The following LINGO2 variants were observed in gnomAD, a reference collection of about 807,000 sequenced individuals.
The protein encoded by LINGO2 is leucine-rich repeat and immunoglobulin-like domain-containing nogo receptor-interacting protein 2.
In LINGO2, 14 loss-of-function variants were observed where a neutral mutation model predicts 30.6. The ratio of observed to expected loss-of-function variants is 0.46; its 90% CI spans 0.30 to 0.72. The LOEUF (loss-of-function observed/expected upper bound fraction) is 0.72, where lower values mean the gene tolerates loss of function less well. LINGO2 is among the 30% of genes least tolerant of loss of function. The probability of loss-of-function intolerance (pLI) is 0.07; values close to 1 mark genes in which losing one functional copy is unlikely to be tolerated. For synonymous variants in LINGO2, 317 were observed against 288.5 expected (o/e 1.10, Z -1.00); for missense variants, 729 against 751.7 (o/e 0.97, Z 0.35).
the LINGO2 span, among the ~76,000 whole-genome samples, chr9:28,872,914 A>C: frequency 1.3e-5 from 2 of 152,192 alleles, no homozygotes; most frequent in Non-Finnish European, 2.9e-5. Context: ...ATTGAAAATC[A>C]AATGATGATT....
intron 1 of LINGO2, among the ~76,000 whole-genome samples, chr9:28,539,937 C>T (rs73644064): frequency 6.6e-6 from 1 of 151,992 alleles, no homozygotes; most frequent in Non-Finnish European, 1.5e-5. Flanking sequence ...ACAGGCTCCA[C>T]TAGCTGAATA....
At chr9:28,931,910 T>C in the LINGO2 span, among the ~76,000 whole-genome samples, 1 of 150,710 alleles carries the variant, frequency 6.6e-6, no homozygotes, top group Non-Finnish European at 1.5e-5. Context: ...GAGTTCGAGA[T>C]CAGCCTGGCC....
chr9:28,543,571 G>A (rs1821799049), intron 1 of LINGO2, among the ~76,000 whole-genome samples: 2 of 151,912 alleles, frequency 1.3e-5, no homozygotes, highest in Non-Finnish European at 2.9e-5. Flanking sequence ...TTTAAGCCCA[G>A]AAACAGTGAC....
intron 4 of LINGO2, among the ~76,000 whole-genome samples, chr9:28,046,802 C>A (rs1456864359): frequency 6.6e-6 from 1 of 152,106 alleles, no homozygotes; most frequent in East Asian, 1.9e-4. Flanking sequence ...AAGTATGTGG[C>A]CAAGAACACA....
chr9:28,467,699 C>T (rs1172719047), intron 2 of LINGO2, among the ~76,000 whole-genome samples: 1 of 151,566 alleles, frequency 6.6e-6, no homozygotes, highest in African/African-American at 2.4e-5. Flanking sequence ...ATTGGTTGAT[C>T]CACTGGAATT....
At chr9:29,076,031 A>T in the LINGO2 span, among the ~76,000 whole-genome samples, 1 of 146,878 alleles carries the variant, frequency 6.8e-6, no homozygotes, top group East Asian at 2.0e-4. Flanking sequence ...ACCACATCTG[A>T]TTTTTTTTTT....
the LINGO2 span, among the ~76,000 whole-genome samples, chr9:28,942,717 TA>T: frequency 1.3e-5 from 2 of 152,212 alleles, no homozygotes; most frequent in Non-Finnish European, 2.9e-5. Flanking sequence ...ACTGTATACT[TA>T]AAAGTTTTTT....
the LINGO2 span, among the ~76,000 whole-genome samples, chr9:28,844,615 T>A: frequency 6.6e-6 from 1 of 151,838 alleles, no homozygotes; most frequent in Non-Finnish European, 1.5e-5. Flanking sequence ...CCATCCCTAC[T>A]GTATGCTGGA....
At chr9:28,300,002 T>A (rs1450953994) in intron 3 of LINGO2, among the ~76,000 whole-genome samples, 1 of 152,024 alleles carries the variant, frequency 6.6e-6, no homozygotes, top group Non-Finnish European at 1.5e-5. Flanking sequence ...TTCTGGTAGG[T>A]TTTATTTCAT....
At chr9:29,189,295 C>G in the LINGO2 span, among the ~76,000 whole-genome samples, 2 of 150,848 alleles carry the variant, frequency 1.3e-5, no homozygotes, top group African/African-American at 2.4e-5. Flanking sequence ...CCCTCCCGGA[C>G]GGGGTGGCTG....
At chr9:27,978,443 C>G (rs760761456) in intron 5 of LINGO2, among the ~76,000 whole-genome samples, 1 of 151,980 alleles carries the variant, frequency 6.6e-6, no homozygotes, top group Non-Finnish European at 1.5e-5. Context: ...GTGTTTAGGT[C>G]ATGAGGGTGA....
intron 1 of LINGO2, among the ~76,000 whole-genome samples, chr9:28,482,518 A>G (rs988593240): frequency 2.0e-5 from 3 of 151,726 alleles, no homozygotes; most frequent in Non-Finnish European, 4.4e-5. Flanking sequence ...TAGATTCTGG[A>G]TATTAGCCCT....
chr9:28,276,112 G>A (rs188560247), intron 4 of LINGO2, among the ~76,000 whole-genome samples: 283 of 152,168 alleles, frequency 1.9e-3, no homozygotes, highest in South Asian at 0.011. Context: ...TGAGTCAAGG[G>A]GATTTGACTA....
At chr9:28,717,897 G>A in the LINGO2 span, among the ~76,000 whole-genome samples, 2 of 152,066 alleles carry the variant, frequency 1.3e-5, no homozygotes, top group Admixed American at 6.6e-5. Context: ...ACCTAATTCA[G>A]AATGAGGGGA....
At chr9:28,193,678 T>G (rs182702855) in intron 4 of LINGO2, among the ~76,000 whole-genome samples, 2 of 152,188 alleles carry the variant, frequency 1.3e-5, no homozygotes, top group African/African-American at 2.4e-5. Context: ...CCAAACTCGG[T>G]GGCTTACAAC....
At chr9:28,231,464 G>C (rs968710688) in intron 4 of LINGO2, among the ~76,000 whole-genome samples, 1 of 151,942 alleles carries the variant, frequency 6.6e-6, no homozygotes, top group Non-Finnish European at 1.5e-5. Context: ...TTTAAGAAAT[G>C]TTTAATTTTT....
the LINGO2 span, among the ~76,000 whole-genome samples, chr9:28,695,644 A>G: frequency 6.6e-6 from 1 of 151,756 alleles, no homozygotes; most frequent in Non-Finnish European, 1.5e-5. Flanking sequence ...GCAGTTAAGT[A>G]GACTATGGCA....
At chr9:28,692,229 C>CTT in the LINGO2 span, among the ~76,000 whole-genome samples, 1 of 152,094 alleles carries the variant, frequency 6.6e-6, no homozygotes, top group Non-Finnish European at 1.5e-5. Flanking sequence ...AATCCTAGCA[C>CTT]TTTAGGAGGT....
At chr9:27,957,631 G>T (rs1016981881) in intron 5 of LINGO2, among the ~76,000 whole-genome samples, 3 of 151,974 alleles carry the variant, frequency 2.0e-5, no homozygotes, top group Non-Finnish European at 4.4e-5. Flanking sequence ...CTTGAAATCA[G>T]ATGGTGTTGT....
Sources: gnomAD v4.1 joint callset for allele counts (sites outside exome capture counted in the v4.1 genomes callset) on GRCh38, gnomAD v4.1.1 for gene constraint, MANE v1.5 for transcripts, NCBI Gene and HGNC (gene_info 2026-07-23, HGNC 2026-07-21) for gene names.